Variants in ARHGAP28 observed in about 807,000 individuals in gnomAD.
The protein encoded by ARHGAP28 is rho GTPase-activating protein 28.
Under a neutral mutation model 90.7 loss-of-function variants are expected in ARHGAP28, and 56 were observed. The ratio of observed to expected loss-of-function variants is 0.62; its 90% CI spans 0.50 to 0.77. The LOEUF is 0.77. Among genes scored for constraint, ARHGAP28 ranks in the 30% least tolerant of loss-of-function variants. ARHGAP28 has a pLI of 0.00. For missense variants in ARHGAP28, 869 were observed against 900.9 expected (o/e 0.96, Z 0.45); for synonymous variants, 308 against 323.3 (o/e 0.95, Z 0.51).
At chr18:6,909,652 C>G (rs2057385621) in intron 17 of ARHGAP28, among the ~76,000 whole-genome samples, 2 of 152,118 alleles carry the variant, frequency 1.3e-5, no homozygotes, top group Admixed American at 1.3e-4. Flanking sequence ...CTCTGCAAAA[C>G]AAAGAGAATA....
At chr18:6,761,207 C>T (rs1456488993) in intron 1 of ARHGAP28, among the ~76,000 whole-genome samples, 1 of 151,856 alleles carries the variant, frequency 6.6e-6, no homozygotes, top group Admixed American at 6.6e-5. Flanking sequence ...GAACATGGGG[C>T]GAGCTCCTGA....
chr18:6,761,501 G>A (rs1339579173), intron 1 of ARHGAP28, among the ~76,000 whole-genome samples: 51 of 152,084 alleles, frequency 3.4e-4, no homozygotes, highest in Admixed American at 3.3e-3. Context: ...ATTGATGGAG[G>A]CAGGCATTGC....
chr18:6,870,831 G>C (rs558366493), intron 7 of ARHGAP28, 99 bp downstream of exon 7: 5 of 1,291,514 alleles, frequency 3.9e-6, no homozygotes, highest in South Asian at 1.5e-5. Context: ...ACGGAGTCTC[G>C]CTCTATTGCC....
chr18:6,780,237 C>A (rs2143473577), intron 1 of ARHGAP28, among the ~76,000 whole-genome samples: 1 of 152,216 alleles, frequency 6.6e-6, no homozygotes, highest in East Asian at 1.9e-4. Context: ...TAAAGTCAGC[C>A]CTTGGTATCT....
intron 1 of ARHGAP28, among the ~76,000 whole-genome samples, chr18:6,774,552 A>T (rs2056268710): frequency 6.6e-6 from 1 of 152,186 alleles, no homozygotes; most frequent in Non-Finnish European, 1.5e-5. Context: ...GTTAAAAATG[A>T]ATTGCTTAGA....
chr18:6,841,208 C>CTCTCTCTCTCTCTCTCCTCTCT (rs1555631529), intron 3 of ARHGAP28, among the ~76,000 whole-genome samples: 1 of 43,136 alleles, frequency 2.3e-5, no homozygotes, highest in African/African-American at 9.2e-5. Context: ...TCTCTCCTCT[C>CTCTCTCTCTCTCTCTCCTCTCT]CTCTCTCTCT....
At chr18:6,906,690 TGTA>T (rs1268500754) in intron 16 of ARHGAP28, among the ~76,000 whole-genome samples, 1 of 152,096 alleles carries the variant, frequency 6.6e-6, no homozygotes. Context: ...TAGAAAATAA[TGTA>T]GGAGAAAACA....
At chr18:6,856,531 A>C (rs72883094) in intron 4 of ARHGAP28, among the ~76,000 whole-genome samples, 12,515 of 152,092 alleles carry the variant, frequency 0.082, 1,037 homozygotes, top group East Asian at 0.28. Flanking sequence ...TGTTTTAGAG[A>C]CAGGGTCTCA....
chr18:6,824,626 C>A, intron 1 of ARHGAP28, 136 bp from the exon 2 acceptor site: 1 of 730,232 alleles, frequency 1.4e-6, no homozygotes, highest in Non-Finnish European at 2.1e-6. Flanking sequence ...TTCCCTCAAA[C>A]CTATCTCAAC....
In ARHGAP28 at chr18:6,894,781, A is replaced by G. The variant is rs572842261; in HGVS notation, c.1849-54A>G. On this transcript the variant is annotated intron_variant, in intron 14 of 17. Coordinates refer to ENST00000383472, the MANE Select transcript of ARHGAP28 (RefSeq NM_001366230.1). ...GATTGTACCAGTTTACACTTCCAAA[A>G]GCAACATATGCTTGTTTTCTCAACA... The G allele has an allele frequency of 4.7e-5, 72 of 1,521,756 alleles. No homozygotes were observed. In the South Asian group the frequency reaches 8.2e-4, roughly 17 times the overall value. 94.3% of individuals were successfully genotyped at this position (1,521,756 alleles called of 1,614,324 possible).
intron 1 of ARHGAP28, among the ~76,000 whole-genome samples, chr18:6,820,507 A>G (rs148900981): frequency 0.018 from 2,721 of 152,310 alleles, 34 homozygotes; most frequent in Non-Finnish European, 0.028. Flanking sequence ...GGAAGAGAAA[A>G]TGGATGTGGA....
intron 5 of ARHGAP28, among the ~76,000 whole-genome samples, chr18:6,860,552 A>C (rs996345829): frequency 1.3e-5 from 2 of 152,316 alleles, no homozygotes; most frequent in South Asian, 2.1e-4. Context: ...ATTGTTTTCC[A>C]GTGGCTGGTT....
At chr18:6,744,445 ATTT>A (rs1405605869) in intron 1 of ARHGAP28, among the ~76,000 whole-genome samples, 1 of 152,110 alleles carries the variant, frequency 6.6e-6, no homozygotes, top group African/African-American at 2.4e-5. Flanking sequence ...CTTAGATTCT[ATTT>A]TTCCCTATTA....
At chr18:6,911,905 G>A (rs1307059541) in intron 17 of ARHGAP28, among the ~76,000 whole-genome samples, 155 bp from the exon 18 acceptor site, 2 of 152,008 alleles carry the variant, frequency 1.3e-5, no homozygotes, top group African/African-American at 2.4e-5. Flanking sequence ...GGGAAGAAGA[G>A]TTTGTTAAGA....
intron 1 of ARHGAP28, among the ~76,000 whole-genome samples, chr18:6,818,210 C>T (rs989286891): frequency 1.3e-5 from 2 of 152,142 alleles, no homozygotes; most frequent in African/African-American, 4.8e-5. Flanking sequence ...AGCTGTAGCC[C>T]GCATTCAAAC....
intron 3 of ARHGAP28, among the ~76,000 whole-genome samples, chr18:6,839,325 G>C (rs1395334748): frequency 2.3e-5 from 3 of 131,202 alleles, no homozygotes; most frequent in Non-Finnish European, 4.7e-5. Flanking sequence ...ACAGCGTCTC[G>C]CTCTGTCGCC....
chr18:6,771,924 A>G (rs1415400474), intron 1 of ARHGAP28, among the ~76,000 whole-genome samples: 4 of 152,214 alleles, frequency 2.6e-5, no homozygotes, highest in Non-Finnish European at 5.9e-5. Context: ...TAAAATTCAA[A>G]GTAGTAGATA....
At chr18:6,739,366 A>G (rs2055955350) in intron 1 of ARHGAP28, among the ~76,000 whole-genome samples, 1 of 152,140 alleles carries the variant, frequency 6.6e-6, no homozygotes, top group African/African-American at 2.4e-5. Flanking sequence ...GAATAAGCAT[A>G]GAAGTGGGTA....
intron 16 of ARHGAP28, among the ~76,000 whole-genome samples, chr18:6,900,538 G>A (rs1393739510): frequency 6.6e-6 from 1 of 152,110 alleles, no homozygotes; most frequent in Non-Finnish European, 1.5e-5. Context: ...TTGCTGAATG[G>A]GCTCAGTAGT....
Sources: gnomAD v4.1 joint callset for allele counts (sites outside exome capture counted in the v4.1 genomes callset) on GRCh38, gnomAD v4.1.1 for gene constraint, MANE v1.5 for transcripts, NCBI Gene and HGNC (gene_info 2026-07-23, HGNC 2026-07-21) for gene names.